CHMP6: variants seen among roughly 807,000 people sequenced by gnomAD.
CHMP6 encodes chromatin-modifying protein 6.
A neutral mutation model predicts 32.8 loss-of-function variants in CHMP6; 10 were observed. The observed-to-expected ratio is 0.30, with a 90% confidence interval of 0.19 to 0.52. The LOEUF is 0.52. CHMP6 is among the 20% of genes least tolerant of loss of function. The pLI is 0.97. For synonymous variants in CHMP6, 123 were observed against 105.8 expected, an observed-to-expected ratio of 1.16 and a Z score of -1.00; for missense variants, 269 against 263.8, an observed-to-expected ratio of 1.02 and a Z score of -0.14.
Position 80,998,346 on chromosome 17 carries a change from T to C in CHMP6, c.496-20T>C. The stretch of plus-strand genomic sequence containing the variant: ...GCAGACCTGTCACCTGCTCATAGCC[T>C]TACCCTTTGCTTCTTGCAGGAACAA... On this transcript the variant is annotated intron_variant, in intron 6 of 7. Coordinates refer to ENST00000325167, the MANE Select transcript of CHMP6 (RefSeq NM_024591.5). The C allele has an allele frequency of 6.2e-7, 1 of 1,614,132 alleles. No individual in the cohort carries two copies. Among genetic ancestry groups the C allele is most frequent in the Non-Finnish European group, 8.5e-7 (1 of 1,179,986 alleles).
chr17:80,996,098 T>A (rs1052419941), intron 4 of CHMP6, among the ~76,000 whole-genome samples: 5 of 151,872 alleles, frequency 3.3e-5, no homozygotes, highest in Non-Finnish European at 7.4e-5. Flanking sequence ...GGCAGGCAGA[T>A]CACCTGAGGT....
intron 1 of CHMP6, among the ~76,000 whole-genome samples, chr17:80,993,052 CG>C (rs2069606519): frequency 6.6e-6 from 1 of 152,188 alleles, no homozygotes; most frequent in Non-Finnish European, 1.5e-5. Context: ...CAGCCTCCAT[CG>C]TCCACCTTCC....
chr17:80,995,166 C>G (rs1391163583), intron 3 of CHMP6, 60 bp downstream of exon 3: 1 of 1,483,798 alleles, frequency 6.7e-7, no homozygotes, highest in African/African-American at 1.4e-5. Flanking sequence ...CTCCGCCCGG[C>G]TGCGTGGACA....
chr17:80,995,870 G>A, intron 4 of CHMP6, 112 bp downstream of exon 4: 3 of 896,126 alleles, frequency 3.3e-6, no homozygotes, highest in Non-Finnish European at 5.2e-6. Flanking sequence ...CAGGGCAAGA[G>A]GCTGGCAGGG....
At chr17:80,992,008 C>T (rs778837446) in intron 1 of CHMP6, 27 bp downstream of exon 1, 1 of 1,377,122 alleles carries the variant, frequency 7.3e-7, no homozygotes, top group South Asian at 1.6e-5. Flanking sequence ...GGGGTCAGGG[C>T]TGGGGCCGGG....
rs2069594290 is a variant in CHMP6, at chr17:80,991,873, G to A, written c.-46G>A. On this transcript the variant is annotated 5_prime_UTR_variant, in exon 1 of 8. In the 5' UTR this introduces an upstream ATG that the reference lacks. Coordinates refer to ENST00000325167, the MANE Select transcript of CHMP6 (RefSeq NM_024591.5). Reference sequence around the variant, plus strand: ...GAGCTACGGTGGCCGCGGGGCGGCGGTGGCGATTGGACTTGGTGGGTCCCG... The same window carrying A: ...GAGCTACGGTGGCCGCGGGGCGGCGATGGCGATTGGACTTGGTGGGTCCCG... The A allele has an allele frequency of 1.5e-6, 2 of 1,349,668 alleles. No homozygotes were observed. 83.6% of individuals were successfully genotyped at this position (1,349,668 alleles called of 1,614,324 possible). A position where few individuals can be genotyped will look rare whatever the true frequency, so the allele number is the denominator to read the frequency against.
intron 1 of CHMP6, 148 bp from the exon 2 acceptor site, chr17:80,994,433 A>G: frequency 1.7e-6 from 1 of 583,962 alleles, no homozygotes. Flanking sequence ...AGACGTGTCC[A>G]GACAGCACCA....
rs1469770596 is a variant in CHMP6 at position 80,999,786 on chromosome 17, AC to A, written c.*634del. ...AGCCCTGACTCCCGCCTTGCCACTC[AC>A]GGCTCTGTCCACTAGGGCTCAGCCC... is the stretch of plus-strand genomic sequence containing the variant. On this transcript the variant is annotated 3_prime_UTR_variant, in exon 8 of 8. Coordinates refer to ENST00000325167, the MANE Select transcript of CHMP6 (RefSeq NM_024591.5). The A allele has an allele frequency of 6.6e-6, 1 of 151,980 alleles. No homozygotes were observed. Among genetic ancestry groups the A allele is most frequent in the Non-Finnish European group, 1.5e-5 (1 of 68,230 alleles). The allele number at this position is 151,980 out of a possible 1,614,324, so 9.4% of individuals were successfully genotyped here.
At chr17:80,997,949 CAGA>C (rs916889262) in intron 6 of CHMP6, among the ~76,000 whole-genome samples, 3 of 152,248 alleles carry the variant, frequency 2.0e-5, no homozygotes, top group African/African-American at 7.2e-5. Context: ...AGCTGAGAGG[CAGA>C]AGCACCCGTG....
At chr17:80,997,165 C>T in intron 5 of CHMP6, 93 bp downstream of exon 5, 1 of 1,600,952 alleles carries the variant, frequency 6.2e-7, no homozygotes, top group South Asian at 1.1e-5. Flanking sequence ...GAGCGGCCGC[C>T]TTCTCTCAAG....
In CHMP6 at chr17:80,992,047, G is replaced by A. The variant is rs1026217239; in HGVS notation, c.63+66G>A. The A allele has an allele frequency of 9.3e-6, 11 of 1,182,230 alleles. No homozygotes were observed. In the African/African-American group the frequency reaches 1.5e-4, roughly 16 times the overall value. 73.2% of individuals were successfully genotyped at this position (1,182,230 alleles called of 1,614,324 possible). ...GGCGACGGGGCCGGGGCGGGCGGCG[G>A]GGCCGGAAGAGCCCCGCGCCCTCGG... On this transcript the variant is annotated intron_variant, in intron 1 of 7. Coordinates refer to ENST00000325167, the MANE Select transcript of CHMP6 (RefSeq NM_024591.5).
At chr17:80,997,467 T>C in intron 6 of CHMP6, 126 bp downstream of exon 6, 1 of 544,926 alleles carries the variant, frequency 1.8e-6, no homozygotes, top group Non-Finnish European at 3.0e-6. Context: ...GTCTGCGGTT[T>C]GTGACTGGTT....
Position 80,998,407 on chromosome 17 carries a change from T to A in CHMP6, c.537T>A (p.Pro179=). The A allele has an allele frequency of 1.2e-6, 2 of 1,614,210 alleles. No individual in the cohort carries two copies. The highest frequency in any genetic ancestry group is 3.3e-5 in the Admixed American group (2 of 60,030). The part of the protein sequence containing the change: ...ELPEVPSEPL[P]EKIPENVPVK... Reference sequence around the variant, plus strand: ...CAGAGGTTCCCTCCGAGCCCCTTCCTGAGAAGATCCCAGGTATTTCCATGT... The same window carrying A: ...CAGAGGTTCCCTCCGAGCCCCTTCCAGAGAAGATCCCAGGTATTTCCATGT... Residue 179 remains proline (P), a synonymous_variant, in exon 7 of 8, where the codon CCT becomes CCA. Transcript: ENST00000325167.
chr17:80,997,363 A>G lies in CHMP6; in HGVS notation c.495+22A>G, dbSNP rs2069647593. The G allele has an allele frequency of 3.7e-6, 6 of 1,602,940 alleles. No individual in the cohort carries two copies. The South Asian group carries it at 5.5e-5, about 15-fold the overall frequency. The stretch of plus-strand genomic sequence containing the variant: ...TCAGGTAACGGCCCCCCCGGGACTG[A>G]GCACAGTCACTCAGGCAGCGGGACC... On this transcript the variant is annotated intron_variant, in intron 6 of 7. Transcript: ENST00000325167.
intron 6 of CHMP6, 34 bp from the exon 7 acceptor site, chr17:80,998,332 A>G: frequency 6.2e-7 from 1 of 1,613,430 alleles, no homozygotes; most frequent in Non-Finnish European, 8.5e-7. Context: ...CAGACCTGTC[A>G]CCTGCTCATA....
intron 6 of CHMP6, 38 bp from the exon 7 acceptor site, chr17:80,998,328 T>C: frequency 6.2e-7 from 1 of 1,613,290 alleles, no homozygotes; most frequent in Non-Finnish European, 8.5e-7. Flanking sequence ...GGGGCAGACC[T>C]GTCACCTGCT....
At chr17:80,998,623 A>G in intron 7 of CHMP6, 2 of 1,436,652 alleles carry the variant, frequency 1.4e-6, no homozygotes, top group South Asian at 1.5e-5. Context: ...GCAACCTCAT[A>G]AGAGAGCCAT....
At chr17:80,998,261 G>T in intron 6 of CHMP6, 105 bp from the exon 7 acceptor site, 1 of 1,339,756 alleles carries the variant, frequency 7.5e-7, no homozygotes, top group Non-Finnish European at 1.1e-6. Context: ...CTTTAACTCC[G>T]GCTGAGAGCG....
chr17:80,998,751 G>A lies in CHMP6; in HGVS notation c.550+331G>A, dbSNP rs1327386002. The A allele has an allele frequency of 1.9e-5, 23 of 1,231,434 alleles. No individual in the cohort carries two copies. The Admixed American group carries it at 3.2e-4, about 17-fold the overall frequency. The allele number at this position is 1,231,434 out of a possible 1,614,324, so 76.3% of individuals were successfully genotyped here. A position where few individuals can be genotyped will look rare whatever the true frequency, so the allele number is the denominator to read the frequency against. ...CCCTCAGCCAGGGATGGCTCTCCCC[G>A]TGGCACCATTCAGCACAGGCTCTCC... On this transcript the variant is annotated intron_variant, in intron 7 of 7. Coordinates refer to ENST00000325167, the MANE Select transcript of CHMP6 (RefSeq NM_024591.5).
Sources: gnomAD v4.1 joint callset for allele counts (sites outside exome capture counted in the v4.1 genomes callset) on GRCh38, gnomAD v4.1.1 for gene constraint, MANE v1.5 for transcripts, NCBI Gene and HGNC (gene_info 2026-07-23, HGNC 2026-07-21) for gene names.